Variants in KCTD8 observed in about 807,000 individuals in gnomAD.
The protein encoded by KCTD8 is BTB/POZ domain-containing protein KCTD8.
In KCTD8, 27 loss-of-function variants were observed where a neutral mutation model predicts 31.5. That is an observed-to-expected ratio of 0.86 (90% CI 0.63 to 1.18). KCTD8 has a LOEUF of 1.18. KCTD8 is among the 50% of genes most tolerant of loss of function. The pLI, the probability that KCTD8 is intolerant of heterozygous loss-of-function variation, is 0.00. For synonymous variants in KCTD8, 290 were observed against 280.0 expected (o/e 1.04, Z -0.36); for missense variants, 658 against 647.7 (o/e 1.02, Z -0.17).
chr4:44,404,549 G>C (rs1408868453), intron 1 of KCTD8, among the ~76,000 whole-genome samples: 2 of 152,100 alleles, frequency 1.3e-5, no homozygotes, highest in South Asian at 2.1e-4. Flanking sequence ...ACCCTGTATA[G>C]AGCTTTCCTG....
intron 1 of KCTD8, among the ~76,000 whole-genome samples, chr4:44,383,287 T>C (rs1196448676): frequency 6.6e-6 from 1 of 152,038 alleles, no homozygotes; most frequent in Non-Finnish European, 1.5e-5. Context: ...AAAATAGCAA[T>C]GTTATTCTTC....
At chr4:44,381,689 C>T (rs1299909127) in intron 1 of KCTD8, among the ~76,000 whole-genome samples, 1 of 151,716 alleles carries the variant, frequency 6.6e-6, no homozygotes, top group African/African-American at 2.4e-5. Context: ...TGAATGGCTT[C>T]ATGTCATCCC....
chr4:44,210,160 C>T (rs987916982), intron 1 of KCTD8, among the ~76,000 whole-genome samples: 3 of 152,162 alleles, frequency 2.0e-5, no homozygotes, highest in African/African-American at 7.2e-5. Context: ...ACCTTCTCAA[C>T]ATAATTTTTT....
intron 1 of KCTD8, among the ~76,000 whole-genome samples, chr4:44,281,055 G>A (rs1375295888): frequency 6.6e-6 from 1 of 152,036 alleles, no homozygotes; most frequent in Non-Finnish European, 1.5e-5. Flanking sequence ...CTTTAAAAAT[G>A]AGTAAGTTGA....
At position 44,364,382 on chromosome 4, in the gene KCTD8, T is replaced by C. The variant is rs376460628; in HGVS notation, c.961+83181A>G. 6.5e-3 allele frequency among the ~76,000 whole-genome samples: 814 copies of C among 125,506 alleles called. 8 individuals carry two copies. Among genetic ancestry groups the C allele is most frequent in the African/African-American group, 0.021 (752 of 35,868 alleles). The allele number at this position is 125,506 out of a possible 152,430, so 82.3% of individuals were successfully genotyped here. On this transcript the variant is annotated intron_variant, in intron 1 of 1. Coordinates refer to ENST00000360029, the MANE Select transcript of KCTD8 (RefSeq NM_198353.3). ...GGGAATTGCAAATTAAAACAATGAGTTACTACTACACACCTATCAGAATAG... is the reference window on the plus strand; with the variant it reads ...GGGAATTGCAAATTAAAACAATGAGCTACTACTACACACCTATCAGAATAG...
chr4:44,322,982 A>T (rs78775116), intron 1 of KCTD8, among the ~76,000 whole-genome samples: 3,524 of 152,054 alleles, frequency 0.023, 161 homozygotes, highest in African/African-American at 0.08. Context: ...ATTTTGGTAA[A>T]TATAGCTTTG....
intron 1 of KCTD8, among the ~76,000 whole-genome samples, chr4:44,229,677 T>C (rs965229350): frequency 6.6e-6 from 1 of 152,010 alleles, no homozygotes; most frequent in African/African-American, 2.4e-5. Flanking sequence ...TCTTCTTTCC[T>C]GTTCTCTTGT....
intron 1 of KCTD8, among the ~76,000 whole-genome samples, chr4:44,234,464 T>C (rs935128641): frequency 2.0e-4 from 31 of 152,136 alleles, no homozygotes; most frequent in African/African-American, 6.8e-4. Flanking sequence ...AAAGAGATAG[T>C]TGAAGAAAAG....
At chr4:44,267,583 T>C (rs1716425130) in intron 1 of KCTD8, among the ~76,000 whole-genome samples, 1 of 150,502 alleles carries the variant, frequency 6.6e-6, no homozygotes, top group Non-Finnish European at 1.5e-5. Flanking sequence ...ATAAAAACCC[T>C]CAAAAAATTA....
rs143024609 is a variant in KCTD8, at chr4:44,233,062, G to T, written c.962-57812C>A. On this transcript the variant is annotated intron_variant, in intron 1 of 1. Transcript: ENST00000360029. ...TAAAAATTTTAAAACTGATAACTTT[G>T]CTAATATTTTTAATTTTTTGGTTTT... 7.7e-3 allele frequency among the ~76,000 whole-genome samples: 1,173 copies of T among 151,760 alleles called. 15 individuals are homozygous for T. Among genetic ancestry groups the T allele is most frequent in the African/African-American group, 0.027 (1,119 of 41,442 alleles).
chr4:44,441,216 T>C (rs1721801822), intron 1 of KCTD8, among the ~76,000 whole-genome samples: 1 of 149,924 alleles, frequency 6.7e-6, no homozygotes, highest in African/African-American at 2.4e-5. Context: ...AAACCTCTGG[T>C]GGTGCAGACT....
chr4:44,272,499 A>G (rs1187051144), intron 1 of KCTD8, among the ~76,000 whole-genome samples: 1 of 152,058 alleles, frequency 6.6e-6, no homozygotes, highest in Non-Finnish European at 1.5e-5. Context: ...TATGTGTAGA[A>G]TGAAGTGCTT....
At chr4:44,224,674 A>G (rs568056121) in intron 1 of KCTD8, among the ~76,000 whole-genome samples, 125 of 152,326 alleles carry the variant, frequency 8.2e-4, no homozygotes, top group African/African-American at 2.9e-3. Context: ...GTCAGCTTCT[A>G]AAACAGATAA....
chr4:44,234,240 T>C (rs1045744055), intron 1 of KCTD8, among the ~76,000 whole-genome samples: 1 of 152,178 alleles, frequency 6.6e-6, no homozygotes, highest in Non-Finnish European at 1.5e-5. Context: ...AGAGCTTATA[T>C]AGACTATAGA....
intron 1 of KCTD8, among the ~76,000 whole-genome samples, chr4:44,199,920 A>G (rs1714081142): frequency 6.6e-6 from 1 of 151,880 alleles, no homozygotes; most frequent in South Asian, 2.1e-4. Context: ...ATTAACAGAG[A>G]AAGAAAAAAG....
At chr4:44,276,655 A>T (rs532626171) in intron 1 of KCTD8, among the ~76,000 whole-genome samples, 1 of 151,962 alleles carries the variant, frequency 6.6e-6, no homozygotes, top group African/African-American at 2.4e-5. Flanking sequence ...GTGTTTTAAA[A>T]TTTTTTAAAC....
At position 44,321,588 on chromosome 4, in the gene KCTD8, TTTATC is replaced by T. The variant is rs551880224; in HGVS notation, c.961+125970_961+125974del. On this transcript the variant is annotated intron_variant, in intron 1 of 1. Transcript: ENST00000360029. Reference sequence around the variant, plus strand: ...ACTGGGATATCCACCACCTCAAACGTTTATCTTTTGTGTTGGGAACATTACAATAT... The same window carrying T: ...ACTGGGATATCCACCACCTCAAACGTTTTTGTGTTGGGAACATTACAATAT... 9.2e-5 allele frequency among the ~76,000 whole-genome samples: 14 copies of T among 152,242 alleles called. No homozygotes were observed. The South Asian group carries it at 2.9e-3, about 32-fold the overall frequency.
chr4:44,237,789 G>A (rs1371703591), intron 1 of KCTD8, among the ~76,000 whole-genome samples: 2 of 152,114 alleles, frequency 1.3e-5, no homozygotes, highest in Non-Finnish European at 2.9e-5. Flanking sequence ...CTTGGTTTGA[G>A]GAGGCACATC....
intron 1 of KCTD8, among the ~76,000 whole-genome samples, chr4:44,307,690 G>C (rs17599507): frequency 0.12 from 18,115 of 151,802 alleles, 1,315 homozygotes; most frequent in East Asian, 0.25. Context: ...AACCACAAGA[G>C]AAAATACTCT....
Sources: allele counts gnomAD v4.1 joint callset (sites outside exome capture counted in the v4.1 genomes callset), GRCh38; gene constraint gnomAD v4.1.1; transcripts MANE v1.5; gene names NCBI Gene and HGNC (gene_info 2026-07-23, HGNC 2026-07-21).